The following ATXN7L1 variants were observed in gnomAD, a reference collection of about 807,000 sequenced individuals.
ATXN7L1 encodes ataxin-7-like protein 1.
ATXN7L1 carries 15 observed loss-of-function variants against 70.8 expected under a neutral mutation model. The ratio of observed to expected loss-of-function variants is 0.21; its 90% confidence interval spans 0.14 to 0.33. The LOEUF (loss-of-function observed/expected upper bound fraction) is 0.33. Among genes scored for constraint, ATXN7L1 ranks in the 10% least tolerant of loss-of-function variants. The pLI, the probability that ATXN7L1 is intolerant of heterozygous loss-of-function variation, is 1.00. For missense variants in ATXN7L1, 975 were observed against 1,097.1 expected, an observed-to-expected ratio of 0.89 and a Z score of 1.57; for synonymous variants, 440 against 445.1, an observed-to-expected ratio of 0.99 and a Z score of 0.14.
At chr7:105,672,469 G>A (rs1803909408) in intron 3 of ATXN7L1, among the ~76,000 whole-genome samples, 1 of 152,198 alleles carries the variant, frequency 6.6e-6, no homozygotes, top group Non-Finnish European at 1.5e-5. Flanking sequence ...AATCATTAAT[G>A]TGCTGTAGAT....
chr7:105,750,596 G>T (rs908038157), intron 3 of ATXN7L1, among the ~76,000 whole-genome samples: 3 of 148,176 alleles, frequency 2.0e-5, no homozygotes, highest in African/African-American at 7.3e-5. Context: ...GAGGTCAGGC[G>T]TTCGAGACCA....
intron 2 of ATXN7L1, among the ~76,000 whole-genome samples, chr7:105,838,492 C>CA (rs1812734822): frequency 6.6e-6 from 1 of 152,148 alleles, no homozygotes; most frequent in African/African-American, 2.4e-5. Flanking sequence ...CTGCATAGGC[C>CA]ACACCCCTAG....
intron 2 of ATXN7L1, among the ~76,000 whole-genome samples, chr7:105,830,186 C>T (rs1223896065): frequency 6.6e-6 from 1 of 152,248 alleles, no homozygotes; most frequent in Non-Finnish European, 1.5e-5. Context: ...GTCCCTATAA[C>T]TGGAGCCTCT....
intron 2 of ATXN7L1, among the ~76,000 whole-genome samples, chr7:105,854,443 T>C (rs1261036625): frequency 7.7e-6 from 1 of 129,558 alleles, no homozygotes; most frequent in Non-Finnish European, 1.6e-5. Flanking sequence ...AAGAAAAGCA[T>C]GCTGTATTGG....
At chr7:105,768,501 C>A (rs561668171) in intron 3 of ATXN7L1, among the ~76,000 whole-genome samples, 1 of 152,192 alleles carries the variant, frequency 6.6e-6, no homozygotes, top group Non-Finnish European at 1.5e-5. Context: ...TACTAACAAG[C>A]GACTCTAAGC....
chr7:105,665,346 C>T, intron 3 of ATXN7L1, 58 bp from the exon 4 acceptor site: 1 of 1,361,344 alleles, frequency 7.3e-7, no homozygotes, highest in Non-Finnish European at 1.0e-6. Flanking sequence ...GAGGCTCCCA[C>T]ACACTCACAT....
At chr7:105,805,262 C>T (rs111666492) in intron 2 of ATXN7L1, among the ~76,000 whole-genome samples, 3,477 of 152,282 alleles carry the variant, frequency 0.023, 136 homozygotes, top group African/African-American at 0.079. Context: ...TCTCTATAAC[C>T]GGCCTTCCTG....
At chr7:105,816,463 G>A (rs919561326) in intron 2 of ATXN7L1, among the ~76,000 whole-genome samples, 2 of 152,222 alleles carry the variant, frequency 1.3e-5, no homozygotes, top group African/African-American at 4.8e-5. Context: ...GGAGGAGAAA[G>A]AGGAAGTATT....
chr7:105,869,833 C>T (rs1266790513), intron 2 of ATXN7L1, among the ~76,000 whole-genome samples: 1 of 151,974 alleles, frequency 6.6e-6, no homozygotes, highest in African/African-American at 2.4e-5. Context: ...AATAAAACAA[C>T]TTATCGATCA....
chr7:105,610,447 G>T (rs1204412309), intron 11 of ATXN7L1, 82 bp downstream of exon 11: 5 of 1,276,180 alleles, frequency 3.9e-6, no homozygotes, highest in Non-Finnish European at 5.5e-6. Flanking sequence ...TTGAATCAGG[G>T]TCTGACCCCA....
chr7:105,840,243 G>C (rs1490981848), intron 2 of ATXN7L1, among the ~76,000 whole-genome samples: 1 of 152,204 alleles, frequency 6.6e-6, no homozygotes, highest in East Asian at 1.9e-4. Flanking sequence ...GAAAAGTCAT[G>C]CTGGAGACAG....
intron 7 of ATXN7L1, among the ~76,000 whole-genome samples, chr7:105,637,582 C>T (rs1797577682): frequency 6.6e-6 from 1 of 152,190 alleles, no homozygotes; most frequent in South Asian, 2.1e-4. Context: ...ATGGAGCGAG[C>T]ACTCAATAAA....
intron 3 of ATXN7L1, among the ~76,000 whole-genome samples, chr7:105,671,546 C>T (rs2116106489): frequency 6.6e-6 from 1 of 152,246 alleles, no homozygotes; most frequent in Non-Finnish European, 1.5e-5. Flanking sequence ...GAATGATCTT[C>T]AGCCAGCAAC....
intron 2 of ATXN7L1, among the ~76,000 whole-genome samples, chr7:105,815,609 A>C (rs748842048): frequency 2.6e-5 from 4 of 152,234 alleles, no homozygotes; most frequent in African/African-American, 7.2e-5. Flanking sequence ...TTTCAGACCC[A>C]CATGGCGTCA....
chr7:105,727,777 T>TATACAC (rs1462125950), intron 3 of ATXN7L1, among the ~76,000 whole-genome samples: 149 of 90,170 alleles, frequency 1.7e-3, no homozygotes, highest in African/African-American at 6.6e-3. Flanking sequence ...TATATATATA[T>TATACAC]ACACACACAT....
intron 3 of ATXN7L1, among the ~76,000 whole-genome samples, chr7:105,720,590 T>TA (rs1259410717): frequency 6.6e-6 from 1 of 151,866 alleles, no homozygotes; most frequent in Non-Finnish European, 1.5e-5. Flanking sequence ...GGCTAATTTT[T>TA]AAAAAAATTA....
chr7:105,860,061 A>G lies in ATXN7L1; in HGVS notation c.250+15751T>C, dbSNP rs150293543. Among the ~76,000 whole-genome samples, 151 of 147,242 alleles carry G rather than the reference A, an allele frequency of 1.0e-3. 1 individual carries two copies. Among genetic ancestry groups the G allele is most frequent in the African/African-American group, 3.5e-3 (143 of 40,444 alleles). On this transcript the variant is annotated intron_variant, in intron 2 of 11. Coordinates refer to ENST00000419735, the MANE Select transcript of ATXN7L1 (RefSeq NM_020725.2). ...GCCTCCAAAGGCTGGGATTACAGGCATGAGTCACGATGCCTGGCCTGTATA... is the reference window on the plus strand; with the variant it reads ...GCCTCCAAAGGCTGGGATTACAGGCGTGAGTCACGATGCCTGGCCTGTATA...
chr7:105,839,629 A>T (rs1812908470), intron 2 of ATXN7L1, among the ~76,000 whole-genome samples: 1 of 152,290 alleles, frequency 6.6e-6, no homozygotes, highest in South Asian at 2.1e-4. Context: ...GGAGAGGAAG[A>T]ACTTAAACAC....
At position 105,621,375 on chromosome 7, in the gene ATXN7L1, T is replaced by A. The variant is rs558836273; in HGVS notation, c.1396-1054A>T. On this transcript the variant is annotated intron_variant, in intron 8 of 11. Transcript: ENST00000419735. ...GCTTTATTACATTTTGCCTTGGACT[T>A]ATGACATGGCTGTTTTACGTTATAC... Among the ~76,000 whole-genome samples, 8 of 152,326 alleles carry A rather than the reference T, an allele frequency of 5.3e-5. No homozygotes were observed. In the South Asian group the frequency reaches 1.5e-3, roughly 28 times the overall value.
Sources: allele counts gnomAD v4.1 joint callset (sites outside exome capture counted in the v4.1 genomes callset), GRCh38; gene constraint gnomAD v4.1.1; transcripts MANE v1.5; gene names NCBI Gene and HGNC (gene_info 2026-07-23, HGNC 2026-07-21).